CCDC91: variants seen among roughly 807,000 people sequenced by gnomAD.
CCDC91 encodes coiled-coil domain-containing protein 91.
Under a neutral mutation model 63.2 loss-of-function variants are expected in CCDC91, and 48 were observed. The observed-to-expected ratio is 0.76, with a 90% CI of 0.60 to 0.97. The LOEUF (loss-of-function observed/expected upper bound fraction) is 0.97. CCDC91 is among the 50% of genes least tolerant of loss of function. The pLI is 0.00. For missense variants in CCDC91, 500 were observed against 494.6 expected (o/e 1.01, Z -0.10); for synonymous variants, 167 against 165.8 (o/e 1.01, Z -0.06).
chr12:28,211,478 TC>T (rs1408135576), intron 1 of CCDC91, among the ~76,000 whole-genome samples: 3 of 152,136 alleles, frequency 2.0e-5, no homozygotes, highest in Non-Finnish European at 4.4e-5. Flanking sequence ...GGCCCCATCA[TC>T]CCTAAATCTT....
intron 11 of CCDC91, among the ~76,000 whole-genome samples, chr12:28,470,090 C>T (rs1248357424): frequency 6.6e-6 from 1 of 152,002 alleles, no homozygotes; most frequent in Non-Finnish European, 1.5e-5. Context: ...AATGGGATCA[C>T]ATCAAGTTAA....
intron 3 of CCDC91, among the ~76,000 whole-genome samples, chr12:28,282,790 T>C (rs1948684467): frequency 6.6e-6 from 1 of 152,144 alleles, no homozygotes; most frequent in Admixed American, 6.5e-5. Flanking sequence ...TAGGCCAATG[T>C]CCAGAAGCAT....
intron 8 of CCDC91, among the ~76,000 whole-genome samples, chr12:28,425,414 T>TATAAA (rs1948256774): frequency 6.6e-6 from 1 of 152,116 alleles, no homozygotes; most frequent in Non-Finnish European, 1.5e-5. Flanking sequence ...CTTCCTCGTC[T>TATAAA]ACTCCAGGCT....
intron 3 of CCDC91, among the ~76,000 whole-genome samples, chr12:28,270,558 C>T (rs1035775635): frequency 2.0e-5 from 3 of 152,108 alleles, no homozygotes; most frequent in South Asian, 2.1e-4. Flanking sequence ...TAAAAATTTA[C>T]GAACACAATG....
chr12:28,469,703 G>A (rs1420138078), intron 11 of CCDC91, among the ~76,000 whole-genome samples: 1 of 152,086 alleles, frequency 6.6e-6, no homozygotes, highest in African/African-American at 2.4e-5. Context: ...CAGAGCTATA[G>A]TAACCAAAGC....
At chr12:28,485,332 T>C (rs79155739) in intron 12 of CCDC91, among the ~76,000 whole-genome samples, 31,732 of 151,792 alleles carry the variant, frequency 0.21, 4,348 homozygotes, top group Non-Finnish European at 0.31. Context: ...CTAATTTTTT[T>C]ATTTTTTATT....
At chr12:28,275,327 G>C (rs1260983940) in intron 3 of CCDC91, among the ~76,000 whole-genome samples, 4 of 152,114 alleles carry the variant, frequency 2.6e-5, no homozygotes, top group Non-Finnish European at 5.9e-5. Flanking sequence ...TACCATCAGA[G>C]AATACTATAA....
chr12:28,539,540 T>C (rs1322076934), intron 12 of CCDC91, among the ~76,000 whole-genome samples: 1 of 152,204 alleles, frequency 6.6e-6, no homozygotes, highest in Non-Finnish European at 1.5e-5. Context: ...TCAGGTAGCA[T>C]GATGCCTCCA....
chr12:28,288,799 A>C (rs1471023472), intron 3 of CCDC91, among the ~76,000 whole-genome samples: 1 of 152,106 alleles, frequency 6.6e-6, no homozygotes, highest in Non-Finnish European at 1.5e-5. Flanking sequence ...TCAGATGTGG[A>C]TATGTCTAGT....
At chr12:28,343,047 G>T (rs965804275) in intron 6 of CCDC91, among the ~76,000 whole-genome samples, 1 of 152,028 alleles carries the variant, frequency 6.6e-6, no homozygotes, top group Non-Finnish European at 1.5e-5. Context: ...TGCATGTTTT[G>T]TGTAGTCAGG....
chr12:28,325,788 A>G (rs867225466), intron 6 of CCDC91, among the ~76,000 whole-genome samples: 2 of 151,948 alleles, frequency 1.3e-5, no homozygotes. Flanking sequence ...TTATTTAATG[A>G]TAGAGGTAGG....
At chr12:28,192,599 C>T (rs1193529096) in intron 1 of CCDC91, among the ~76,000 whole-genome samples, 1 of 152,084 alleles carries the variant, frequency 6.6e-6, no homozygotes, top group African/African-American at 2.4e-5. Context: ...ATATCTGTTT[C>T]TTATTTACTA....
At chr12:28,285,668 GTTTC>G (rs1226124580) in intron 3 of CCDC91, among the ~76,000 whole-genome samples, 4 of 150,260 alleles carry the variant, frequency 2.7e-5, no homozygotes, top group Admixed American at 6.8e-5. Flanking sequence ...GTTTATCTGT[GTTTC>G]TTTATTTAAA....
chr12:28,304,602 G>A (rs1053210801), intron 3 of CCDC91: 38 of 1,061,690 alleles, frequency 3.6e-5, no homozygotes, highest in Middle Eastern at 2.4e-4. Flanking sequence ...TATATCTAAT[G>A]GCCTTATAAA....
intron 1 of CCDC91, among the ~76,000 whole-genome samples, chr12:28,254,498 A>C (rs1946314501): frequency 6.6e-6 from 1 of 152,202 alleles, no homozygotes; most frequent in Non-Finnish European, 1.5e-5. Flanking sequence ...CTAAATACAT[A>C]AATAAGCCCA....
At chr12:28,244,545 G>T (rs1289017362) in intron 1 of CCDC91, among the ~76,000 whole-genome samples, 1 of 99,832 alleles carries the variant, frequency 1.0e-5, no homozygotes, top group African/African-American at 4.4e-5. Context: ...ACTCTTTTCA[G>T]TGCCTCAGTT....
intron 12 of CCDC91, among the ~76,000 whole-genome samples, chr12:28,548,168 A>G (rs1943114186): frequency 6.6e-6 from 1 of 152,152 alleles, no homozygotes; most frequent in Admixed American, 6.6e-5. Flanking sequence ...TTCGTTTACC[A>G]TATGAGTTTG....
chr12:28,444,399 G>A (rs1705583441), intron 8 of CCDC91, among the ~76,000 whole-genome samples: 1 of 152,076 alleles, frequency 6.6e-6, no homozygotes, highest in African/African-American at 2.4e-5. Flanking sequence ...TAAAATTTGG[G>A]CAGCCAGCTA....
At chr12:28,257,171 C>A in intron 1 of CCDC91, 31 bp from the exon 2 acceptor site, 2 of 1,435,694 alleles carry the variant, frequency 1.4e-6, no homozygotes, top group Non-Finnish European at 2.0e-6. Context: ...TGTGTGTGTG[C>A]GGGCTTGTTT....
Sources: gnomAD v4.1 joint callset for allele counts (sites outside exome capture counted in the v4.1 genomes callset) on GRCh38, gnomAD v4.1.1 for gene constraint, MANE v1.5 for transcripts, NCBI Gene and HGNC (gene_info 2026-07-23, HGNC 2026-07-21) for gene names.